Variants in KLF12 observed in about 807,000 individuals in gnomAD.
KLF12 encodes the protein Krueppel-like factor 12.
KLF12 carries 9 observed loss-of-function variants against 37.8 expected under a neutral mutation model. That is an observed-to-expected ratio of 0.24 (90% CI 0.14 to 0.42). KLF12 has a LOEUF of 0.42. Ranked by LOEUF, KLF12 falls within the 10% of genes least tolerant of loss-of-function variation. The pLI is 1.00. For missense variants in KLF12, 411 were observed against 516.0 expected (o/e 0.80, Z 1.97); for synonymous variants, 208 against 202.1 (o/e 1.03, Z -0.25).
Position 73,906,499 on chromosome 13 carries a change from G to A in KLF12, c.123+37482C>T, listed in dbSNP as rs551694875. 3.9e-5 allele frequency among the ~76,000 whole-genome samples: 6 copies of A among 152,094 alleles called. No homozygotes were observed. The South Asian group carries it at 1.2e-3, about 32-fold the overall frequency. ...TCTACAATATTTCCCATTTTTAGAG[G>A]TTCCATGTGGTTCTTGTTCAGATCT... On this transcript the variant is annotated intron_variant, in intron 3 of 7. Coordinates refer to ENST00000377669, the MANE Select transcript of KLF12 (RefSeq NM_007249.5).
intron 6 of KLF12, among the ~76,000 whole-genome samples, chr13:73,724,267 T>A (rs1876497801): frequency 6.6e-6 from 1 of 152,186 alleles, no homozygotes; most frequent in Non-Finnish European, 1.5e-5. Context: ...TAAACCATCA[T>A]TCTCAGCAAA....
chr13:73,949,317 T>C (rs894823200), intron 2 of KLF12, among the ~76,000 whole-genome samples: 3 of 152,236 alleles, frequency 2.0e-5, no homozygotes, highest in East Asian at 1.9e-4. Flanking sequence ...AGCTCCTCCC[T>C]GAGCTGGGCT....
chr13:74,157,803 T>A, the KLF12 span, among the ~76,000 whole-genome samples: 1 of 152,182 alleles, frequency 6.6e-6, no homozygotes, highest in Non-Finnish European at 1.5e-5. Context: ...CTTTTGCTTT[T>A]CTTGGGTATT....
At chr13:74,062,220 C>T (rs944579133) in intron 1 of KLF12, among the ~76,000 whole-genome samples, 5 of 152,142 alleles carry the variant, frequency 3.3e-5, no homozygotes, top group Non-Finnish European at 5.9e-5. Context: ...TCATGGAGCA[C>T]CTCTTGTTTT....
chr13:74,028,746 G>T (rs1196871023), intron 1 of KLF12, among the ~76,000 whole-genome samples: 1 of 151,942 alleles, frequency 6.6e-6, no homozygotes, highest in Non-Finnish European at 1.5e-5. Context: ...TCTAGGTGCA[G>T]CAGAGAGTTA....
At chr13:73,814,117 C>G (rs1303217872) in intron 4 of KLF12, among the ~76,000 whole-genome samples, 1 of 152,182 alleles carries the variant, frequency 6.6e-6, no homozygotes, top group East Asian at 1.9e-4. Context: ...GATTTAGCAA[C>G]CACTGCCCAG....
At chr13:73,868,327 TG>T (rs373936784) in intron 3 of KLF12, among the ~76,000 whole-genome samples, 12,675 of 36,002 alleles carry the variant, frequency 0.35, 1,285 homozygotes, top group East Asian at 0.62. Context: ...GCGGGGGCGG[TG>T]GGGGGGGGGG....
chr13:74,261,494 G>T, the KLF12 span, among the ~76,000 whole-genome samples: 1 of 152,034 alleles, frequency 6.6e-6, no homozygotes, highest in Non-Finnish European at 1.5e-5. Context: ...TTGGGTAAAA[G>T]CCTGCTAGCT....
chr13:73,704,952 T>C (rs2137606059), intron 7 of KLF12, among the ~76,000 whole-genome samples: 1 of 152,366 alleles, frequency 6.6e-6, no homozygotes, highest in East Asian at 1.9e-4. Context: ...AAGAGTAATC[T>C]ATTTTGTGAG....
At chr13:73,716,558 T>G (rs966053721) in intron 6 of KLF12, among the ~76,000 whole-genome samples, 2 of 152,196 alleles carry the variant, frequency 1.3e-5, no homozygotes, top group African/African-American at 4.8e-5. Context: ...TTTCCACCAT[T>G]ATCCTGGTCC....
intron 1 of KLF12, among the ~76,000 whole-genome samples, chr13:74,110,017 A>C (rs1014250933): frequency 6.6e-6 from 1 of 152,212 alleles, no homozygotes; most frequent in Admixed American, 6.5e-5. Context: ...TGTGGGACTA[A>C]GAGAGGATAG....
At chr13:74,282,678 G>A in the KLF12 span, among the ~76,000 whole-genome samples, 1 of 152,064 alleles carries the variant, frequency 6.6e-6, no homozygotes, top group Non-Finnish European at 1.5e-5. Flanking sequence ...ATAACTTCAG[G>A]GAAGAAGAAA....
chr13:73,739,241 TAATAATA>T (rs1877769540), intron 6 of KLF12, among the ~76,000 whole-genome samples: 1 of 24,108 alleles, frequency 4.1e-5, no homozygotes, highest in African/African-American at 6.3e-5. Context: ...CTCAAATTAA[TAATAATA>T]ATAATAATAA....
In KLF12 at chr13:74,059,657, G is replaced by A. The variant is rs115178572; in HGVS notation, c.-31-64604C>T. ...TTTTTTTTCTTGTTGAATTCTGTGTGGATTCCGGATATTATTAGTCCTTTA... is the reference window on the plus strand; with the variant it reads ...TTTTTTTTCTTGTTGAATTCTGTGTAGATTCCGGATATTATTAGTCCTTTA... On this transcript the variant is annotated intron_variant, in intron 1 of 7. Coordinates refer to ENST00000377669, the MANE Select transcript of KLF12 (RefSeq NM_007249.5). 3.3e-3 allele frequency among the ~76,000 whole-genome samples: 497 copies of A among 152,044 alleles called. 2 individuals are homozygous for A. Among genetic ancestry groups the A allele is most frequent in the African/African-American group, 0.011 (448 of 41,466 alleles).
intron 3 of KLF12, among the ~76,000 whole-genome samples, chr13:73,899,772 G>A (rs1300738600): frequency 1.3e-5 from 2 of 152,072 alleles, no homozygotes; most frequent in African/African-American, 4.8e-5. Flanking sequence ...AGGTTCTCTG[G>A]CCTTTGGAAC....
chr13:74,051,460 G>A (rs752857076), intron 1 of KLF12, among the ~76,000 whole-genome samples: 3 of 152,048 alleles, frequency 2.0e-5, no homozygotes, highest in Non-Finnish European at 4.4e-5. Flanking sequence ...TGCTTGGGTG[G>A]TGGTGCGAGG....
chr13:74,059,022 T>C (rs1349898816), intron 1 of KLF12, among the ~76,000 whole-genome samples: 3 of 152,238 alleles, frequency 2.0e-5, no homozygotes, highest in Non-Finnish European at 4.4e-5. Flanking sequence ...TAGTTCCCAC[T>C]TATAAGAACA....
chr13:74,238,450 C>T, the KLF12 span, among the ~76,000 whole-genome samples: 2 of 138,588 alleles, frequency 1.4e-5, 1 homozygote, highest in Non-Finnish European at 3.0e-5. Flanking sequence ...TGATGCTGGC[C>T]TCATCAAATG....
At chr13:74,260,939 A>G in the KLF12 span, among the ~76,000 whole-genome samples, 5 of 152,322 alleles carry the variant, frequency 3.3e-5, no homozygotes, top group African/African-American at 1.2e-4. Flanking sequence ...TATTTTGAAA[A>G]CAAAGAAGTT....
Sources: gnomAD v4.1 joint callset for allele counts (sites outside exome capture counted in the v4.1 genomes callset) on GRCh38, gnomAD v4.1.1 for gene constraint, MANE v1.5 for transcripts, NCBI Gene and HGNC (gene_info 2026-07-23, HGNC 2026-07-21) for gene names.